CD1B: variants seen among roughly 807,000 people sequenced by gnomAD.
CD1B encodes the protein CD1b molecule.
Under a neutral mutation model 39.8 loss-of-function variants are expected in CD1B, and 43 were observed. The ratio of observed to expected loss-of-function variants is 1.08; its 90% confidence interval spans 0.85 to 1.39. CD1B has a LOEUF of 1.39. Ranked by LOEUF, CD1B falls within the 40% of genes most tolerant of loss-of-function variation. The probability of loss-of-function intolerance (pLI) is 0.00; values close to 1 mark genes in which losing one functional copy is unlikely to be tolerated. For synonymous variants in CD1B, 192 were observed against 152.5 expected (o/e 1.26, Z -1.91); for missense variants, 495 against 403.8 (o/e 1.23, Z -1.94).
At chr1:158,319,195 A>G in the CD1B span, among the ~76,000 whole-genome samples, 1 of 150,832 alleles carries the variant, frequency 6.6e-6, no homozygotes, top group Non-Finnish European at 1.5e-5. Flanking sequence ...TATTTCCTGA[A>G]TCTGAACGTT....
intron 2 of CD1B, chr1:158,330,553 C>G (rs1652557176): frequency 1.5e-6 from 1 of 678,380 alleles, no homozygotes; most frequent in South Asian, 1.5e-5. Context: ...ATAAGACAAA[C>G]CAGCAGCTGG....
chr1:158,286,094 C>T, the CD1B span, among the ~76,000 whole-genome samples: 10 of 151,926 alleles, frequency 6.6e-5, no homozygotes, highest in Middle Eastern at 3.4e-3. Flanking sequence ...AGAGCCCAGG[C>T]GAAGGCAAAC....
At chr1:158,317,034 T>C in the CD1B span, among the ~76,000 whole-genome samples, 1 of 151,740 alleles carries the variant, frequency 6.6e-6, no homozygotes, top group Non-Finnish European at 1.5e-5. Flanking sequence ...GATAAGCTTT[T>C]TGATGTGCTG....
At chr1:158,315,476 T>G in the CD1B span, among the ~76,000 whole-genome samples, 1 of 152,102 alleles carries the variant, frequency 6.6e-6, no homozygotes. Context: ...TGTCTGTTCA[T>G]GTCCTTTGCC....
the CD1B span, among the ~76,000 whole-genome samples, chr1:158,299,754 A>G: frequency 1.3e-5 from 2 of 151,884 alleles, no homozygotes; most frequent in African/African-American, 4.8e-5. Context: ...TTTCTTCTAG[A>G]TTTTCTAGTT....
the CD1B span, among the ~76,000 whole-genome samples, chr1:158,311,347 G>A: frequency 1.3e-5 from 2 of 151,966 alleles, no homozygotes; most frequent in Non-Finnish European, 2.9e-5. Flanking sequence ...GTCTAATCAG[G>A]TCTTTTGCCC....
chr1:158,324,559 A>C (rs919643781), downstream of CD1B, among the ~76,000 whole-genome samples: 23 of 152,232 alleles, frequency 1.5e-4, no homozygotes, highest in African/African-American at 5.5e-4. Context: ...AGAGAAGTAG[A>C]AGTGAGACTG....
the CD1B span, among the ~76,000 whole-genome samples, chr1:158,299,825 T>A: frequency 1.3e-5 from 2 of 152,220 alleles, no homozygotes; most frequent in Admixed American, 1.3e-4. Flanking sequence ...GTGGGATCAG[T>A]GGTGATATCC....
At chr1:158,310,036 G>C in the CD1B span, among the ~76,000 whole-genome samples, 1 of 150,894 alleles carries the variant, frequency 6.6e-6, no homozygotes, top group East Asian at 1.9e-4. Flanking sequence ...AAAGAACAAA[G>C]CTGGAAGCAC....
At chr1:158,306,611 AATC>A in the CD1B span, among the ~76,000 whole-genome samples, 19 of 152,310 alleles carry the variant, frequency 1.2e-4, no homozygotes, top group African/African-American at 4.3e-4. Flanking sequence ...CTCCACCCCA[AATC>A]AACAGAATAG....
the CD1B span, among the ~76,000 whole-genome samples, chr1:158,306,730 C>T: frequency 8.5e-5 from 13 of 152,218 alleles, no homozygotes; most frequent in Admixed American, 7.9e-4. Flanking sequence ...AACAAACTGT[C>T]TCTCAGACCA....
At chr1:158,308,090 C>T in the CD1B span, among the ~76,000 whole-genome samples, 38 of 152,234 alleles carry the variant, frequency 2.5e-4, no homozygotes, top group East Asian at 9.7e-4. Flanking sequence ...AAAACCCCAT[C>T]GTCTCAGCCC....
the CD1B span, among the ~76,000 whole-genome samples, chr1:158,319,105 T>C: frequency 1.3e-5 from 2 of 151,404 alleles, no homozygotes; most frequent in African/African-American, 4.9e-5. Flanking sequence ...CATTTTTTCC[T>C]TCATTTCAAC....
the CD1B span, among the ~76,000 whole-genome samples, chr1:158,302,554 A>G: frequency 2.6e-5 from 4 of 152,096 alleles, no homozygotes; most frequent in South Asian, 2.1e-4. Context: ...AATAAAGGAG[A>G]AAAAGATGAG....
At chr1:158,299,956 T>G in the CD1B span, among the ~76,000 whole-genome samples, 1 of 152,206 alleles carries the variant, frequency 6.6e-6, no homozygotes, top group Non-Finnish European at 1.5e-5. Flanking sequence ...TTCATTGATC[T>G]TTTGAAGATT....
chr1:158,304,712 C>G, the CD1B span, among the ~76,000 whole-genome samples: 1 of 152,210 alleles, frequency 6.6e-6, no homozygotes, highest in African/African-American at 2.4e-5. Flanking sequence ...TGACACCTCA[C>G]ACGGCAGGGT....
chr1:158,306,045 A>G, the CD1B span, among the ~76,000 whole-genome samples: 2 of 152,190 alleles, frequency 1.3e-5, no homozygotes, highest in Non-Finnish European at 2.9e-5. Context: ...ATAACCACCT[A>G]ACATCATAAT....
chr1:158,290,999 TA>T, the CD1B span: 2 of 925,794 alleles, frequency 2.2e-6, no homozygotes, highest in African/African-American at 1.7e-5. Context: ...GGGCTCTGTG[TA>T]AGGAAAATGG....
chr1:158,285,883 T>C, the CD1B span, among the ~76,000 whole-genome samples: 3 of 152,058 alleles, frequency 2.0e-5, no homozygotes, highest in Admixed American at 2.0e-4. Flanking sequence ...TGAAAGGCCA[T>C]GTAAGAGTCA....
Sources: gnomAD v4.1 joint callset for allele counts (sites outside exome capture counted in the v4.1 genomes callset) on GRCh38, gnomAD v4.1.1 for gene constraint, MANE v1.5 for transcripts, NCBI Gene and HGNC (gene_info 2026-07-23, HGNC 2026-07-21) for gene names.